GTF2IRD2: variants seen among roughly 807,000 people sequenced by gnomAD.
GTF2IRD2 encodes the protein GTF2I repeat domain containing 2.
In GTF2IRD2, 8 loss-of-function variants were observed where a neutral mutation model predicts 49.2. The ratio of observed to expected loss-of-function variants is 0.16; its 90% CI spans 0.10 to 0.29. The LOEUF (loss-of-function observed/expected upper bound fraction) is 0.29, where lower values mean the gene tolerates loss of function less well. Ranked by LOEUF, GTF2IRD2 falls within the 10% of genes least tolerant of loss-of-function variation. GTF2IRD2 has a pLI of 1.00. For missense variants in GTF2IRD2, 130 were observed against 725.7 expected, an observed-to-expected ratio of 0.18 and a Z score of 9.43; for synonymous variants, 47 against 289.7, an observed-to-expected ratio of 0.16 and a Z score of 8.51.
intron 1 of GTF2IRD2, among the ~76,000 whole-genome samples, chr7:74,839,994 C>T (rs1410366000): frequency 2.1e-4 from 31 of 148,602 alleles, no homozygotes; most frequent in South Asian, 4.3e-4. Flanking sequence ...AGTAAGATTC[C>T]GTCTAAAAAC....
chr7:74,834,728 AGGGTCTTGT>A (rs1800149782), intron 2 of GTF2IRD2, among the ~76,000 whole-genome samples: 1 of 120,308 alleles, frequency 8.3e-6, no homozygotes, highest in East Asian at 2.1e-4. Flanking sequence ...TTTAAGAGTC[AGGGTCTTGT>A]GCTGTGCAGG....
intron 8 of GTF2IRD2, among the ~76,000 whole-genome samples, chr7:74,815,813 AGAAAG>A (rs1798474172): frequency 1.4e-5 from 1 of 73,826 alleles, no homozygotes; most frequent in Non-Finnish European, 3.0e-5. Flanking sequence ...AAAGAAAGAA[AGAAAG>A]AAAGAAAGAA....
intron 3 of GTF2IRD2, among the ~76,000 whole-genome samples, chr7:74,826,979 T>G (rs1799459751): frequency 6.6e-6 from 1 of 151,968 alleles, no homozygotes; most frequent in Non-Finnish European, 1.5e-5. Context: ...CCAAAGTGCT[T>G]GGATTATAGG....
chr7:74,831,309 T>C (rs1275373152), intron 3 of GTF2IRD2, among the ~76,000 whole-genome samples: 2 of 150,742 alleles, frequency 1.3e-5, no homozygotes, highest in Non-Finnish European at 3.0e-5. Flanking sequence ...TACATACATA[T>C]ATATATATAA....
intron 10 of GTF2IRD2, 61 bp downstream of exon 10, chr7:74,810,833 AAT>A: frequency 2.2e-6 from 1 of 455,630 alleles, no homozygotes; most frequent in South Asian, 3.4e-5. Context: ...TTCTTTGTAA[AAT>A]ACTATAAACT....
rs1377099834 is a variant in GTF2IRD2, at chr7:74,835,774, A to G, written c.99+506T>C. ...GAGGTGGGCAGATCACCTGAGAGTAAGGAGTTCGAGACCAGCCTGGCCAAC... is the reference window on the plus strand; with the variant it reads ...GAGGTGGGCAGATCACCTGAGAGTAGGGAGTTCGAGACCAGCCTGGCCAAC... On this transcript the variant is annotated intron_variant, in intron 2 of 15. Transcript: ENST00000451013. Among the ~76,000 whole-genome samples, 28 of 62,706 alleles carry G rather than the reference A, an allele frequency of 4.5e-4. 4 individuals carry two copies. Among genetic ancestry groups the G allele is most frequent in the African/African-American group, 4.2e-3 (26 of 6,256 alleles). The allele number at this position is 62,706 out of a possible 152,430, so 41.1% of individuals were successfully genotyped here.
intron 5 of GTF2IRD2, 42 bp from the exon 6 acceptor site, chr7:74,822,497 A>G (rs1554418833): frequency 1.4e-6 from 1 of 717,204 alleles, no homozygotes. Context: ...GGACCAATGA[A>G]AAAAGCATGA....
chr7:74,840,034 C>T (rs1185441163), intron 1 of GTF2IRD2, among the ~76,000 whole-genome samples: 1 of 146,018 alleles, frequency 6.8e-6, no homozygotes, highest in African/African-American at 2.6e-5. Context: ...AGCAACAGCC[C>T]AAGGGGCACC....
At chr7:74,835,715 G>A (rs1485179403) in intron 2 of GTF2IRD2, among the ~76,000 whole-genome samples, 1 of 47,720 alleles carries the variant, frequency 2.1e-5, no homozygotes, top group East Asian at 3.8e-4. Context: ...AGACACGGTG[G>A]CTCACGCCTG....
chr7:74,845,632 TAAC>T (rs1156764106), intron 1 of GTF2IRD2, among the ~76,000 whole-genome samples: 7 of 151,782 alleles, frequency 4.6e-5, no homozygotes, highest in Admixed American at 1.3e-4. Flanking sequence ...ATTTTGTACA[TAAC>T]AACAAATGGA....
Sources: allele counts gnomAD v4.1 joint callset (sites outside exome capture counted in the v4.1 genomes callset), GRCh38; gene constraint gnomAD v4.1.1; transcripts MANE v1.5; gene names NCBI Gene and HGNC (gene_info 2026-07-23, HGNC 2026-07-21).